Variants in MDGA2 observed in about 807,000 individuals in gnomAD.
The protein encoded by MDGA2 is MAM domain-containing glycosylphosphatidylinositol anchor protein 2.
MDGA2 carries 40 observed loss-of-function variants against 117.8 expected under a neutral mutation model. The observed-to-expected ratio is 0.34, with a 90% CI of 0.26 to 0.44. MDGA2 has a LOEUF of 0.44. MDGA2 is among the 20% of genes least tolerant of loss of function. The pLI is 1.00. For missense variants in MDGA2, 1,123 were observed against 1,250.6 expected, an observed-to-expected ratio of 0.90 and a Z score of 1.54; for synonymous variants, 452 against 439.0, an observed-to-expected ratio of 1.03 and a Z score of -0.37.
chr14:47,190,874 C>T (rs1885082847), intron 3 of MDGA2, among the ~76,000 whole-genome samples: 1 of 152,088 alleles, frequency 6.6e-6, no homozygotes. Context: ...CTTGTATGTG[C>T]ACTGGATTTT....
Position 47,061,317 on chromosome 14 carries a change from C to A in MDGA2, c.1457G>T (p.Cys486Phe). Residue 486 changes from cysteine (C) to phenylalanine (F), a missense_variant, in exon 7 of 17, where the codon TGT (cysteine) becomes TTT (phenylalanine). Transcript: ENST00000399232. ...LKFTDFGTYT[C>F]VASLKGGGIS... ...TCCTCCTCCCTTCAGAGATGCTACACATGTGTACGTCCCAAAATCCGTGAA... is the reference window on the plus strand; with the variant it reads ...TCCTCCTCCCTTCAGAGATGCTACAAATGTGTACGTCCCAAAATCCGTGAA... 1.2e-6 allele frequency: 2 copies of A among 1,613,590 alleles called. No individual in the cohort carries two copies. Among genetic ancestry groups the A allele is most frequent in the Non-Finnish European group, 1.7e-6 (2 of 1,179,656 alleles).
intron 8 of MDGA2, among the ~76,000 whole-genome samples, chr14:47,007,391 T>C (rs766003914): frequency 6.6e-6 from 1 of 151,838 alleles, no homozygotes; most frequent in African/African-American, 2.4e-5. Flanking sequence ...CATGGCTTGA[T>C]ATGTTTGCTG....
intron 1 of MDGA2, among the ~76,000 whole-genome samples, chr14:47,643,086 T>C (rs1166616095): frequency 6.6e-6 from 1 of 152,114 alleles, no homozygotes; most frequent in Admixed American, 6.5e-5. Context: ...TTACTGTTGT[T>C]ATTCTGGATA....
chr14:47,558,851 T>A (rs1167683005), intron 1 of MDGA2, among the ~76,000 whole-genome samples: 1 of 152,226 alleles, frequency 6.6e-6, no homozygotes, highest in African/African-American at 2.4e-5. Context: ...AGAATGCTGA[T>A]TAGATAATTT....
chr14:47,481,701 C>G (rs1041238031), intron 1 of MDGA2, among the ~76,000 whole-genome samples: 4 of 151,854 alleles, frequency 2.6e-5, no homozygotes, highest in African/African-American at 7.2e-5. Context: ...AGGTAGGAGG[C>G]ATTCAAAGAC....
At chr14:47,328,767 G>A (rs1890213861) in intron 1 of MDGA2, among the ~76,000 whole-genome samples, 1 of 152,076 alleles carries the variant, frequency 6.6e-6, no homozygotes. Flanking sequence ...ATGAGACAAC[G>A]AAGAGAAGCA....
At chr14:47,034,647 G>T (rs1202075613) in intron 8 of MDGA2, among the ~76,000 whole-genome samples, 1 of 151,706 alleles carries the variant, frequency 6.6e-6, no homozygotes, top group Non-Finnish European at 1.5e-5. Context: ...ACCTGAATTA[G>T]CAATTACTTC....
At chr14:47,515,292 T>C (rs1340338246) in intron 1 of MDGA2, among the ~76,000 whole-genome samples, 5 of 152,094 alleles carry the variant, frequency 3.3e-5, no homozygotes. Context: ...TCACAGTAAT[T>C]TTCAGTAATG....
chr14:47,373,309 T>C (rs1202755773), intron 1 of MDGA2, among the ~76,000 whole-genome samples: 1 of 152,090 alleles, frequency 6.6e-6, no homozygotes, highest in Non-Finnish European at 1.5e-5. Context: ...ACTTTAAAAA[T>C]ATCTGTGATC....
intron 1 of MDGA2, among the ~76,000 whole-genome samples, chr14:47,367,591 C>A (rs1173997716): frequency 1.3e-5 from 2 of 152,172 alleles, no homozygotes; most frequent in African/African-American, 4.8e-5. Flanking sequence ...GAATGATAGG[C>A]CATAAACTAC....
chr14:47,287,162 T>C (rs1156248441), intron 2 of MDGA2, among the ~76,000 whole-genome samples: 1 of 151,976 alleles, frequency 6.6e-6, no homozygotes, highest in Admixed American at 6.6e-5. Flanking sequence ...ACCATGCTGT[T>C]TGACTCCAAA....
At chr14:47,086,602 TTAAA>T (rs1195709080) in intron 6 of MDGA2, among the ~76,000 whole-genome samples, 1 of 90,306 alleles carries the variant, frequency 1.1e-5, no homozygotes, top group Non-Finnish European at 2.2e-5. Flanking sequence ...AAGATAGAAG[TTAAA>T]CATAGATTTT....
intron 9 of MDGA2, among the ~76,000 whole-genome samples, chr14:46,924,272 A>G (rs1480728144): frequency 6.6e-6 from 1 of 152,066 alleles, no homozygotes; most frequent in Non-Finnish European, 1.5e-5. Context: ...TTGAAAAATG[A>G]TTACATTGAG....
chr14:47,574,910 C>T (rs1258596542), intron 1 of MDGA2, among the ~76,000 whole-genome samples: 3 of 152,112 alleles, frequency 2.0e-5, no homozygotes, highest in South Asian at 2.1e-4. Flanking sequence ...ATTCCAGCTG[C>T]TATGTGGCCC....
intron 1 of MDGA2, among the ~76,000 whole-genome samples, chr14:47,344,537 G>A (rs573345589): frequency 1.3e-5 from 2 of 152,192 alleles, no homozygotes; most frequent in African/African-American, 4.8e-5. Flanking sequence ...TGGTATTTGG[G>A]TAGGTTCTAA....
At chr14:47,009,967 C>A (rs368841021) in intron 8 of MDGA2, among the ~76,000 whole-genome samples, 3 of 152,036 alleles carry the variant, frequency 2.0e-5, no homozygotes, top group Non-Finnish European at 4.4e-5. Context: ...CCCTTACCCC[C>A]CTTTCCCAAC....
chr14:47,111,268 C>G (rs1426527812), intron 5 of MDGA2, among the ~76,000 whole-genome samples: 1 of 152,120 alleles, frequency 6.6e-6, no homozygotes, highest in Non-Finnish European at 1.5e-5. Context: ...TCTAGGGAAT[C>G]TGGCTTAAGA....
chr14:46,853,748 T>G (rs965184312), intron 15 of MDGA2, among the ~76,000 whole-genome samples: 1 of 151,814 alleles, frequency 6.6e-6, no homozygotes, highest in African/African-American at 2.4e-5. Flanking sequence ...GGCAGTCATG[T>G]GGAAAGTGAA....
At chr14:47,321,658 G>A (rs1185281843) in intron 1 of MDGA2, among the ~76,000 whole-genome samples, 4 of 152,054 alleles carry the variant, frequency 2.6e-5, no homozygotes, top group Admixed American at 2.6e-4. Flanking sequence ...ATCTGAGCCA[G>A]AGAAAAAAGA....
Sources: allele counts gnomAD v4.1 joint callset (sites outside exome capture counted in the v4.1 genomes callset), GRCh38; gene constraint gnomAD v4.1.1; transcripts MANE v1.5; gene names NCBI Gene and HGNC (gene_info 2026-07-23, HGNC 2026-07-21).